LRRTM4: variants seen among roughly 807,000 people sequenced by gnomAD.
LRRTM4 encodes the protein leucine rich repeat transmembrane neuronal 4.
Under a neutral mutation model 47.6 loss-of-function variants are expected in LRRTM4, and 25 were observed. That is an observed-to-expected ratio of 0.53 (90% CI 0.38 to 0.73). The LOEUF is 0.73. LRRTM4 is among the 30% of genes least tolerant of loss of function. LRRTM4 has a pLI of 0.00. For synonymous variants in LRRTM4, 311 were observed against 269.5 expected (o/e 1.15, Z -1.51); for missense variants, 638 against 713.4 (o/e 0.89, Z 1.20).
At chr2:77,390,456 A>C (rs909250509) in intron 3 of LRRTM4, among the ~76,000 whole-genome samples, 1 of 152,166 alleles carries the variant, frequency 6.6e-6, no homozygotes, top group Non-Finnish European at 1.5e-5. Flanking sequence ...CTTTCATACA[A>C]ATTGCACATT....
intron 3 of LRRTM4, among the ~76,000 whole-genome samples, chr2:77,450,837 A>G (rs1676227970): frequency 6.6e-6 from 1 of 152,144 alleles, no homozygotes; most frequent in South Asian, 2.1e-4. Context: ...TTTTATATAT[A>G]TATGTAGATT....
chr2:77,031,736 T>TGTGTGC (rs1287710647), intron 3 of LRRTM4, among the ~76,000 whole-genome samples: 1 of 152,112 alleles, frequency 6.6e-6, no homozygotes, highest in African/African-American at 2.4e-5. Flanking sequence ...TATATCTTTG[T>TGTGTGC]GTGTGCGTGT....
intron 3 of LRRTM4, among the ~76,000 whole-genome samples, chr2:77,237,566 T>A (rs1262019976): frequency 1.3e-5 from 2 of 152,156 alleles, no homozygotes; most frequent in African/African-American, 4.8e-5. Context: ...AGTTCTGATT[T>A]GATTTTAGTT....
In LRRTM4 at chr2:77,378,679, C is replaced by T. The variant is rs533585599; in HGVS notation, c.1551+139639G>A. On this transcript the variant is annotated intron_variant, in intron 3 of 3. Coordinates refer to ENST00000409884, the MANE Select transcript of LRRTM4 (RefSeq NM_001134745.3). ...ACTTCACCTTATGTCCTCCACCAGC[C>T]CAAGCTTTGAAGCCAGGCTTACTGG... Among the ~76,000 whole-genome samples the T allele has an allele frequency of 3.3e-4, 50 of 152,156 alleles. 1 individual carries two copies. Among genetic ancestry groups the T allele is most frequent in the Middle Eastern group, 3.4e-3 (1 of 294 alleles).
intron 3 of LRRTM4, among the ~76,000 whole-genome samples, chr2:77,247,179 CTATAG>C (rs1258008262): frequency 6.6e-6 from 1 of 151,824 alleles, no homozygotes; most frequent in Non-Finnish European, 1.5e-5. Flanking sequence ...TGTTTTAGTA[CTATAG>C]TAAACACTTG....
At chr2:76,762,048 CCACT>C (rs1455711535) in intron 3 of LRRTM4, among the ~76,000 whole-genome samples, 8 of 152,114 alleles carry the variant, frequency 5.3e-5, no homozygotes, top group Non-Finnish European at 1.0e-4. Context: ...CTCAAATCGT[CCACT>C]CACTCACCCC....
At chr2:77,117,346 A>G (rs1005543020) in intron 3 of LRRTM4, among the ~76,000 whole-genome samples, 1 of 152,042 alleles carries the variant, frequency 6.6e-6, no homozygotes, top group Non-Finnish European at 1.5e-5. Context: ...TGTAAAACTT[A>G]GAACAGGTAT....
intron 3 of LRRTM4, among the ~76,000 whole-genome samples, chr2:76,963,310 C>T (rs1015174427): frequency 4.6e-5 from 7 of 150,620 alleles, no homozygotes; most frequent in African/African-American, 1.5e-4. Context: ...AAGTAAATGG[C>T]GATTCTACTT....
chr2:76,801,929 T>C (rs1319195726), intron 3 of LRRTM4, among the ~76,000 whole-genome samples: 1 of 152,130 alleles, frequency 6.6e-6, no homozygotes, highest in Admixed American at 6.6e-5. Context: ...CATCTTTTCA[T>C]GGTAAAGACT....
chr2:77,438,304 A>G (rs1023467565), intron 3 of LRRTM4, among the ~76,000 whole-genome samples: 1 of 152,038 alleles, frequency 6.6e-6, no homozygotes, highest in African/African-American at 2.4e-5. Flanking sequence ...TATATTTTGA[A>G]AATCATATTT....
intron 3 of LRRTM4, among the ~76,000 whole-genome samples, chr2:77,047,110 C>T (rs182205554): frequency 6.6e-6 from 1 of 152,152 alleles, no homozygotes; most frequent in African/African-American, 2.4e-5. Context: ...TTGTTCTGGG[C>T]ACCCCTACTA....
intron 3 of LRRTM4, among the ~76,000 whole-genome samples, chr2:77,134,486 T>C (rs1471910675): frequency 6.6e-6 from 1 of 152,224 alleles, no homozygotes; most frequent in Non-Finnish European, 1.5e-5. Context: ...TTTAAAAATA[T>C]GTTAAATGCA....
intron 3 of LRRTM4, among the ~76,000 whole-genome samples, chr2:77,276,232 C>G (rs1676345329): frequency 6.6e-6 from 1 of 151,334 alleles, no homozygotes; most frequent in African/African-American, 2.4e-5. Context: ...CCAAAAGCCC[C>G]AAAATTGCCT....
rs572842439 is a variant in LRRTM4, at chr2:77,155,270, AT to A, written c.1551+363047del. Among the ~76,000 whole-genome samples, 148 of 152,000 alleles carry A rather than the reference AT, an allele frequency of 9.7e-4. 1 individual carries two copies. The highest frequency in any genetic ancestry group is 2.5e-3 in the African/African-American group (105 of 41,536). ...TGTTAAATTTTTATAAAAATGAAGG[AT>A]TTTTTTCCTTACTAAATTATATATA... On this transcript the variant is annotated intron_variant, in intron 3 of 3. Transcript: ENST00000409884.
intron 3 of LRRTM4, among the ~76,000 whole-genome samples, chr2:77,336,702 G>T (rs1418548568): frequency 6.6e-6 from 1 of 152,080 alleles, no homozygotes; most frequent in African/African-American, 2.4e-5. Flanking sequence ...ACCTGGCTTT[G>T]AAGGAATACA....
intron 3 of LRRTM4, among the ~76,000 whole-genome samples, chr2:77,410,844 A>G (rs907831048): frequency 2.6e-5 from 4 of 152,172 alleles, no homozygotes; most frequent in Non-Finnish European, 4.4e-5. Context: ...AAACCTCTCA[A>G]GGTGATTCTG....
intron 3 of LRRTM4, among the ~76,000 whole-genome samples, chr2:77,208,508 A>G (rs887521059): frequency 2.6e-5 from 4 of 152,194 alleles, no homozygotes; most frequent in African/African-American, 9.6e-5. Flanking sequence ...AAAGGGAAGA[A>G]GGGAAGCCTG....
intron 3 of LRRTM4, among the ~76,000 whole-genome samples, chr2:77,330,057 C>T (rs1670913102): frequency 6.6e-6 from 1 of 152,104 alleles, no homozygotes; most frequent in South Asian, 2.1e-4. Flanking sequence ...CAGATCACAC[C>T]TGCTCCTCTT....
chr2:76,802,319 A>G (rs1395804436), intron 3 of LRRTM4, among the ~76,000 whole-genome samples: 2 of 152,064 alleles, frequency 1.3e-5, no homozygotes, highest in Non-Finnish European at 2.9e-5. Context: ...TCTAGCATTT[A>G]TATATACTAA....
Sources: allele counts gnomAD v4.1 joint callset (sites outside exome capture counted in the v4.1 genomes callset), GRCh38; gene constraint gnomAD v4.1.1; transcripts MANE v1.5; gene names NCBI Gene and HGNC (gene_info 2026-07-23, HGNC 2026-07-21).